The following ARHGAP15 variants were observed in gnomAD, a reference collection of about 807,000 sequenced individuals.
ARHGAP15 encodes the protein Rho GTPase activating protein 15.
A neutral mutation model predicts 63.7 loss-of-function variants in ARHGAP15; 51 were observed. The observed-to-expected ratio is 0.80, with a 90% CI of 0.64 to 1.01. The LOEUF (loss-of-function observed/expected upper bound fraction) is 1.01. Ranked by LOEUF, ARHGAP15 falls within the 50% of genes least tolerant of loss-of-function variation. The pLI is 0.00. For missense variants in ARHGAP15, 560 were observed against 564.6 expected (o/e 0.99, Z 0.08); for synonymous variants, 191 against 193.8 (o/e 0.99, Z 0.12).
At chr2:143,323,166 G>A (rs1185072798) in intron 6 of ARHGAP15, among the ~76,000 whole-genome samples, 2 of 152,206 alleles carry the variant, frequency 1.3e-5, no homozygotes, top group Non-Finnish European at 2.9e-5. Flanking sequence ...TATGTTATGT[G>A]TGAGAGTGTT....
intron 13 of ARHGAP15, among the ~76,000 whole-genome samples, chr2:143,757,854 G>A (rs572402136): frequency 6.6e-6 from 1 of 151,994 alleles, no homozygotes; most frequent in Non-Finnish European, 1.5e-5. Context: ...TAAAAACAAA[G>A]ATAAAATCCA....
At chr2:143,570,533 A>G (rs1340185691) in intron 11 of ARHGAP15, among the ~76,000 whole-genome samples, 1 of 152,200 alleles carries the variant, frequency 6.6e-6, no homozygotes, top group African/African-American at 2.4e-5. Context: ...ATTTTAATTT[A>G]TTGATTGATT....
chr2:143,412,384 G>GT (rs1229564050), intron 6 of ARHGAP15, among the ~76,000 whole-genome samples: 1 of 148,160 alleles, frequency 6.7e-6, no homozygotes, highest in Non-Finnish European at 1.5e-5. Flanking sequence ...TATATATAAT[G>GT]GTGATATTTG....
Position 143,683,428 on chromosome 2 carries a change from G to T in ARHGAP15, c.1139-19991G>T, listed in dbSNP as rs947716935. On this transcript the variant is annotated intron_variant, in intron 12 of 13. Transcript: ENST00000295095. ...ATGATTAAAATGCATTAGCAATTCT[G>T]CTTTTGAAAAAAAAACATATTGGGA... Among the ~76,000 whole-genome samples, 3 of 138,892 alleles carry T rather than the reference G, an allele frequency of 2.2e-5. No individual in the cohort carries two copies. The Admixed American group carries it at 2.2e-4, about 10-fold the overall frequency. 91.1% of individuals were successfully genotyped at this position (138,892 alleles called of 152,430 possible). A position where few individuals can be genotyped will look rare whatever the true frequency, so the allele number is the denominator to read the frequency against.
At chr2:143,570,561 AT>A (rs1178520895) in intron 11 of ARHGAP15, among the ~76,000 whole-genome samples, 3 of 152,124 alleles carry the variant, frequency 2.0e-5, no homozygotes, top group African/African-American at 4.8e-5. Flanking sequence ...GAGTTGGACC[AT>A]TTTTTTATTA....
In ARHGAP15 at chr2:143,369,766, A is replaced by G. The variant is rs571764381; in HGVS notation, c.475-65835A>G. ...CCAGGCACTTTGCAGAGAATATTTT[A>G]TGTAATACAACAACTTTTCAGAGAA... On this transcript the variant is annotated intron_variant, in intron 6 of 13. Transcript: ENST00000295095. 8.5e-5 allele frequency among the ~76,000 whole-genome samples: 13 copies of G among 152,286 alleles called. No homozygotes were observed. The East Asian group carries it at 2.5e-3, about 29-fold the overall frequency.
chr2:143,256,500 A>G (rs77225148), intron 6 of ARHGAP15, among the ~76,000 whole-genome samples: 2 of 152,248 alleles, frequency 1.3e-5, no homozygotes, highest in Non-Finnish European at 2.9e-5. Context: ...ACATATTCAA[A>G]TTAATACTTA....
At chr2:143,395,756 T>C (rs1274841466) in intron 6 of ARHGAP15, among the ~76,000 whole-genome samples, 5 of 152,092 alleles carry the variant, frequency 3.3e-5, no homozygotes, top group African/African-American at 1.2e-4. Flanking sequence ...TTTGAAGAGC[T>C]AGAAGAGGTC....
At chr2:143,136,668 C>T (rs1689156072) in intron 1 of ARHGAP15, among the ~76,000 whole-genome samples, 1 of 151,922 alleles carries the variant, frequency 6.6e-6, no homozygotes, top group Non-Finnish European at 1.5e-5. Context: ...AAAAATATTA[C>T]TGAAGAAAAA....
chr2:143,742,121 A>C (rs554410714), intron 13 of ARHGAP15, among the ~76,000 whole-genome samples: 2 of 152,180 alleles, frequency 1.3e-5, no homozygotes, highest in Non-Finnish European at 2.9e-5. Flanking sequence ...CCTGGGACCA[A>C]CTGGTCTTTG....
rs534866703 is a variant in ARHGAP15, at chr2:143,231,781, G to A, written c.384+3113G>A. On this transcript the variant is annotated intron_variant, in intron 5 of 13. Transcript: ENST00000295095. ...CTGGGAAGTCCACGATCGAGGCACA[G>A]GTGAATCTGGTGTCTGCTGAGGTCC... 5.3e-5 allele frequency among the ~76,000 whole-genome samples: 8 copies of A among 152,298 alleles called. No homozygotes were observed. In the South Asian group the frequency reaches 1.7e-3, roughly 32 times the overall value.
At chr2:143,306,761 G>A (rs1338215386) in intron 6 of ARHGAP15, among the ~76,000 whole-genome samples, 2 of 152,092 alleles carry the variant, frequency 1.3e-5, no homozygotes, top group South Asian at 2.1e-4. Context: ...CCCTTGGATA[G>A]TCTTTTTCCT....
intron 12 of ARHGAP15, among the ~76,000 whole-genome samples, chr2:143,638,756 C>G (rs1258587055): frequency 6.8e-6 from 1 of 146,654 alleles, no homozygotes; most frequent in Non-Finnish European, 1.5e-5. Context: ...GACATTTGGA[C>G]AACATTTAGA....
chr2:143,373,975 G>A (rs948949540), intron 6 of ARHGAP15, among the ~76,000 whole-genome samples: 1 of 152,100 alleles, frequency 6.6e-6, no homozygotes, highest in African/African-American at 2.4e-5. Flanking sequence ...ATTTTCCTGA[G>A]GCTAAACTGT....
chr2:143,365,936 G>T (rs555189282), intron 6 of ARHGAP15, among the ~76,000 whole-genome samples: 1 of 152,094 alleles, frequency 6.6e-6, no homozygotes, highest in East Asian at 1.9e-4. Flanking sequence ...CTTCTAGAAA[G>T]CTTACTTCAC....
At chr2:143,696,666 A>G (rs1003582524) in intron 12 of ARHGAP15, among the ~76,000 whole-genome samples, 1 of 152,112 alleles carries the variant, frequency 6.6e-6, no homozygotes, top group African/African-American at 2.4e-5. Context: ...ATTATTGACT[A>G]TAAAGAGTTG....
chr2:143,515,192 C>CT (rs1693758940), intron 9 of ARHGAP15, among the ~76,000 whole-genome samples: 1 of 148,646 alleles, frequency 6.7e-6, no homozygotes, highest in African/African-American at 2.5e-5. Context: ...TATTAACCCC[C>CT]CCACCCTCCC....
At chr2:143,216,556 C>T in intron 4 of ARHGAP15, 111 bp downstream of exon 4, 2 of 718,076 alleles carry the variant, frequency 2.8e-6, no homozygotes, top group Non-Finnish European at 4.8e-6. Context: ...CAGACTAGAA[C>T]AGTCTCCTCT....
At chr2:143,351,311 G>A (rs1266542551) in intron 6 of ARHGAP15, 1 of 152,110 alleles carries the variant, frequency 6.6e-6, no homozygotes, top group Non-Finnish European at 1.5e-5. Flanking sequence ...ATATGTTTTT[G>A]ATAAGGCACA....
Sources: gnomAD v4.1 joint callset for allele counts (sites outside exome capture counted in the v4.1 genomes callset) on GRCh38, gnomAD v4.1.1 for gene constraint, MANE v1.5 for transcripts, NCBI Gene and HGNC (gene_info 2026-07-23, HGNC 2026-07-21) for gene names.